The following PHF20L1 variants were observed in gnomAD, a reference collection of about 807,000 sequenced individuals.
PHF20L1 encodes PHD finger protein 20-like protein 1.
PHF20L1 carries 44 observed loss-of-function variants against 125.5 expected under a neutral mutation model. The ratio of observed to expected loss-of-function variants is 0.35; its 90% confidence interval spans 0.28 to 0.45. The LOEUF (loss-of-function observed/expected upper bound fraction) is 0.45. PHF20L1 is among the 20% of genes least tolerant of loss of function. The probability of loss-of-function intolerance (pLI) is 1.00; values close to 1 mark genes in which losing one functional copy is unlikely to be tolerated. For synonymous variants in PHF20L1, 380 were observed against 403.1 expected, an observed-to-expected ratio of 0.94 and a Z score of 0.69; for missense variants, 1,012 against 1,217.2, an observed-to-expected ratio of 0.83 and a Z score of 2.51.
intron 2 of PHF20L1, among the ~76,000 whole-genome samples, chr8:132,793,928 C>T (rs1209571523): frequency 3.9e-5 from 6 of 152,150 alleles, no homozygotes; most frequent in Admixed American, 2.0e-4. Flanking sequence ...ATTTTCCCCA[C>T]ATTGTAAATT....
rs1587011947 is a variant in PHF20L1 at position 132,825,452 on chromosome 8, A to T, written c.1744+81A>T. On this transcript the variant is annotated intron_variant, in intron 14 of 20. Coordinates refer to ENST00000395386, the MANE Select transcript of PHF20L1 (RefSeq NM_016018.5). ...ATTCCCCTTTTCTTTTACAAAATGG[A>T]GTCATGACACGATCCCCGTGTCCCG... The T allele has an allele frequency of 1.0e-5, 12 of 1,160,952 alleles. No homozygotes were observed. In the East Asian group the frequency reaches 3.2e-4, roughly 31 times the overall value. The allele number at this position is 1,160,952 out of a possible 1,614,324, so 71.9% of individuals were successfully genotyped here. A position where few individuals can be genotyped will look rare whatever the true frequency, so the allele number is the denominator to read the frequency against.
rs770442813 is a variant in PHF20L1, at chr8:132,832,438, A to G, written c.1909+39A>G. 4.1e-5 allele frequency: 59 copies of G among 1,441,392 alleles called. 1 individual carries two copies. The highest frequency in any genetic ancestry group is 2.9e-4 in the South Asian group (25 of 85,868). 89.3% of individuals were successfully genotyped at this position (1,441,392 alleles called of 1,614,324 possible). On this transcript the variant is annotated intron_variant, in intron 15 of 20. Transcript: ENST00000395386. ...TGTGATGGTTAAAACAAGACTTACA[A>G]TTCCTAAATGTGTAACTGAGAATAA...
At chr8:132,780,629 G>A (rs766452892) in intron 2 of PHF20L1, among the ~76,000 whole-genome samples, 8 of 151,934 alleles carry the variant, frequency 5.3e-5, no homozygotes, top group Middle Eastern at 3.2e-3. Context: ...AGTCATCTTT[G>A]AGATAAATGT....
At chr8:132,812,679 T>C in intron 9 of PHF20L1, 1 of 985,128 alleles carries the variant, frequency 1.0e-6, no homozygotes, top group Non-Finnish European at 1.2e-6. Context: ...ACACTTATTT[T>C]TATCCTATGT....
intron 17 of PHF20L1, chr8:132,838,084 T>C (rs764610900): frequency 1.1e-5 from 3 of 269,108 alleles, no homozygotes; most frequent in Non-Finnish European, 2.2e-5. Flanking sequence ...GGACTCACTG[T>C]ACTTCTTGGT....
intron 1 of PHF20L1, among the ~76,000 whole-genome samples, chr8:132,777,486 C>G (rs1251435777): frequency 6.6e-6 from 1 of 152,220 alleles, no homozygotes; most frequent in African/African-American, 2.4e-5. Context: ...TCTTGGGTAT[C>G]TGGAAGCTCA....
At chr8:132,821,809 T>C (rs1835634937) in intron 12 of PHF20L1, among the ~76,000 whole-genome samples, 1 of 151,980 alleles carries the variant, frequency 6.6e-6, no homozygotes, top group South Asian at 2.1e-4. Flanking sequence ...TGGTTTTTGT[T>C]GTTGCGTTTT....
chr8:132,816,834 G>A, intron 10 of PHF20L1, 54 bp from the exon 11 acceptor site: 1 of 1,143,926 alleles, frequency 8.7e-7, no homozygotes, highest in South Asian at 1.3e-5. Flanking sequence ...CTTAAATATT[G>A]TAAGATGCTC....
At chr8:132,839,662 T>C in intron 18 of PHF20L1, 80 bp downstream of exon 18, 2 of 945,622 alleles carry the variant, frequency 2.1e-6, no homozygotes, top group Non-Finnish European at 3.3e-6. Context: ...CTTTTGATGG[T>C]CCAGAGTAAC....
intron 17 of PHF20L1, 120 bp downstream of exon 17, chr8:132,837,931 G>C: frequency 1.5e-6 from 1 of 683,540 alleles, no homozygotes; most frequent in South Asian, 1.6e-5. Flanking sequence ...TCATTGATAG[G>C]TTCTTGGAAA....
In PHF20L1 at chr8:132,846,115, C is replaced by A. The variant is rs922237136; in HGVS notation, c.*192C>A. ...TATCAAGGAAGCTAGTATTTAAAAA[C>A]AAATTCATGAGCAAGCTGCAAATGA... On this transcript the variant is annotated 3_prime_UTR_variant, in exon 21 of 21. Transcript: ENST00000395386. 20 of 503,026 alleles carry A rather than the reference C, an allele frequency of 4.0e-5. No homozygotes were observed. Among genetic ancestry groups the A allele is most frequent in the Non-Finnish European group, 6.8e-5 (19 of 281,324 alleles). The allele number at this position is 503,026 out of a possible 1,614,324, so 31.2% of individuals were successfully genotyped here. A position where few individuals can be genotyped will look rare whatever the true frequency, so the allele number is the denominator to read the frequency against.
At chr8:132,815,492 A>G (rs1418269027) in intron 10 of PHF20L1, 1 of 151,920 alleles carries the variant, frequency 6.6e-6, no homozygotes, top group African/African-American at 2.4e-5. Context: ...AAATAATACA[A>G]GATTTGTGTT....
intron 2 of PHF20L1, among the ~76,000 whole-genome samples, chr8:132,789,651 C>T (rs909352711): frequency 6.6e-6 from 1 of 152,000 alleles, no homozygotes; most frequent in Non-Finnish European, 1.5e-5. Flanking sequence ...AAACTCTTTC[C>T]TGGGATTCAA....
chr8:132,825,264 G>T lies in PHF20L1; in HGVS notation c.1637G>T (p.Gly546Val), dbSNP rs939295302. Residue 546 changes from glycine (G) to valine (V), a missense_variant and splice_region_variant, in exon 14 of 21, where the codon GGT becomes GTT. By Grantham distance (109) the Gly-to-Val change is moderately radical (BLOSUM62 -3). Transcript: ENST00000395386. ...TAAAGTATTCACTTTTATCTTTTAG[G>T]TAAGAGAAAAGAAAAAGATAAGGAA... is the stretch of plus-strand genomic sequence containing the variant. ...KLEDKSSTAF[G>V]KRKEKDKERR... The T allele has an allele frequency of 1.1e-5, 18 of 1,583,816 alleles. No individual in the cohort carries two copies. Among genetic ancestry groups the T allele is most frequent in the Non-Finnish European group, 1.6e-5 (18 of 1,157,952 alleles).
intron 2 of PHF20L1, among the ~76,000 whole-genome samples, chr8:132,790,812 C>T (rs1050491892): frequency 2.0e-5 from 3 of 152,130 alleles, no homozygotes; most frequent in Admixed American, 2.0e-4. Flanking sequence ...TATATGTCCC[C>T]TAGCAAGTCT....
chr8:132,817,099 A>G, intron 11 of PHF20L1, 23 bp downstream of exon 11: 1 of 1,377,680 alleles, frequency 7.3e-7, no homozygotes, highest in East Asian at 2.3e-5. Context: ...GATTTCCTAT[A>G]GAACCAAACA....
chr8:132,808,077 A>G lies in PHF20L1; in HGVS notation c.848-2969A>G, dbSNP rs138912813. 604 of 154,820 alleles carry G rather than the reference A, an allele frequency of 3.9e-3. 8 individuals are homozygous for G. The highest frequency in any genetic ancestry group is 0.014 in the African/African-American group (564 of 41,562). 9.6% of individuals were successfully genotyped at this position (154,820 alleles called of 1,614,324 possible). On this transcript the variant is annotated intron_variant, in intron 8 of 20. Transcript: ENST00000395386. Reference sequence around the variant, plus strand: ...AGTAGTCAGAGTTATTTCTTCAAGTACCTATTTTGTTATTTGTTCCATTTT... The same window carrying G: ...AGTAGTCAGAGTTATTTCTTCAAGTGCCTATTTTGTTATTTGTTCCATTTT...
chr8:132,844,784 A>G (rs1465341921), intron 20 of PHF20L1, among the ~76,000 whole-genome samples: 4 of 152,122 alleles, frequency 2.6e-5, no homozygotes, highest in African/African-American at 9.7e-5. Context: ...AAATTGTGTC[A>G]TCACACAGGA....
At position 132,775,406 on chromosome 8, in the gene PHF20L1, A is replaced by AGGCGGCGGCGGC. The variant is rs3832583; in HGVS notation, c.-269_-258dup. ...TCGCGTCAGGGCTGGCCGGCGGCGG[A>AGGCGGCGGCGGC]GGCGGCGGCGGCGGCGGCGATGGCA... On this transcript the variant is annotated 5_prime_UTR_variant, in exon 1 of 21. Coordinates refer to ENST00000395386, the MANE Select transcript of PHF20L1 (RefSeq NM_016018.5). 2.1e-5 allele frequency: 8 copies of AGGCGGCGGCGGC among 382,548 alleles called. No individual in the cohort carries two copies. The highest frequency in any genetic ancestry group is 6.7e-4 in the Middle Eastern group (1 of 1,498). The allele number at this position is 382,548 out of a possible 1,614,324, so 23.7% of individuals were successfully genotyped here.
Sources: gnomAD v4.1 joint callset for allele counts (sites outside exome capture counted in the v4.1 genomes callset) on GRCh38, gnomAD v4.1.1 for gene constraint, MANE v1.5 for transcripts, NCBI Gene and HGNC (gene_info 2026-07-23, HGNC 2026-07-21) for gene names.